Variants in LGR6 observed in about 807,000 individuals in gnomAD.
The protein encoded by LGR6 is leucine-rich repeat-containing G protein-coupled receptor 6.
In LGR6, 45 loss-of-function variants were observed where a neutral mutation model predicts 69.4. The ratio of observed to expected loss-of-function variants is 0.65; its 90% confidence interval spans 0.51 to 0.83. The LOEUF is 0.83. Ranked by LOEUF, LGR6 falls within the 40% of genes least tolerant of loss-of-function variation. The pLI is 0.00. For missense variants in LGR6, 1,108 were observed against 1,246.7 expected, an observed-to-expected ratio of 0.89 and a Z score of 1.68; for synonymous variants, 538 against 555.0, an observed-to-expected ratio of 0.97 and a Z score of 0.43.
intron 4 of LGR6, among the ~76,000 whole-genome samples, chr1:202,243,589 A>G (rs1198925415): frequency 6.6e-6 from 1 of 152,218 alleles, no homozygotes; most frequent in African/African-American, 2.4e-5. Flanking sequence ...GGGGAGGTGT[A>G]GAGCAGGAGG....
intron 4 of LGR6, among the ~76,000 whole-genome samples, chr1:202,274,164 A>T (rs1229020132): frequency 1.3e-5 from 2 of 152,214 alleles, no homozygotes; most frequent in Non-Finnish European, 2.9e-5. Flanking sequence ...GGGGCTGTCC[A>T]GGTCTCCTCT....
chr1:202,196,994 G>C (rs1403706913), intron 1 of LGR6: 1 of 529,040 alleles, frequency 1.9e-6, no homozygotes, highest in Non-Finnish European at 3.9e-6. Flanking sequence ...GAGTTAAAAT[G>C]AAAAATGTTA....
At chr1:202,289,638 G>A (rs1452888403) in intron 6 of LGR6, among the ~76,000 whole-genome samples, 1 of 152,182 alleles carries the variant, frequency 6.6e-6, no homozygotes, top group African/African-American at 2.4e-5. Context: ...GGCCTTTTAT[G>A]TAGATTGTTT....
At chr1:202,245,150 C>T (rs1443411662) in intron 4 of LGR6, among the ~76,000 whole-genome samples, 1 of 152,234 alleles carries the variant, frequency 6.6e-6, no homozygotes, top group Non-Finnish European at 1.5e-5. Flanking sequence ...TAGGGCCCAG[C>T]CGAGGGGTCC....
rs376357186 is a variant in LGR6 at position 202,276,392 on chromosome 1, A to G, written c.515A>G (p.Asn172Ser). Residue 172 changes from asparagine to serine, a missense_variant, in exon 5 of 18, where the codon AAT (asparagine) becomes AGT (serine). Coordinates refer to ENST00000367278, the MANE Select transcript of LGR6 (RefSeq NM_001017403.2). ...SSLRHLWLDD[N>S]ALTEIPVRAL... ...CTCCGCCACCTCTGGCTGGACGACA[A>G]TGCACTCACGGAGATCCCTGTCAGG... The G allele has an allele frequency of 1.4e-4, 220 of 1,613,990 alleles. No individual in the cohort carries two copies. Among genetic ancestry groups the G allele is most frequent in the Middle Eastern group, 6.6e-4 (4 of 6,084 alleles).
At chr1:202,293,834 T>C (rs1009353459) in intron 6 of LGR6, among the ~76,000 whole-genome samples, 4 of 152,228 alleles carry the variant, frequency 2.6e-5, no homozygotes, top group Admixed American at 1.3e-4. Context: ...AAAATAGACT[T>C]GTAGTTCACA....
chr1:202,318,291 C>T lies in LGR6; in HGVS notation c.1988C>T (p.Ala663Val), dbSNP rs1190092665. 2 of 1,600,430 alleles carry T rather than the reference C, an allele frequency of 1.2e-6. No individual in the cohort carries two copies. The highest frequency in any genetic ancestry group is 1.7e-6 in the Non-Finnish European group (2 of 1,172,384). The change falls in exon 18 of 18, where the codon GCC becomes GTC. Residue 663 changes from alanine to valine, a missense_variant. By Grantham distance (64) the Ala-to-Val change is moderately conservative. Transcript: ENST00000367278. ...SEASVLLLTL[A>V]AVQCSVSVSC... The stretch of plus-strand genomic sequence containing the variant: ...GCATCGGTGCTGCTGCTCACTCTGG[C>T]CGCAGTGCAGTGCAGCGTCTCCGTC...
At chr1:202,298,457 A>G (rs1667329767) in intron 7 of LGR6, among the ~76,000 whole-genome samples, 1 of 151,950 alleles carries the variant, frequency 6.6e-6, no homozygotes, top group African/African-American at 2.4e-5. Flanking sequence ...GTACAGCTAG[A>G]GTGGGACCAG....
chr1:202,207,536 T>C (rs1016168462), intron 1 of LGR6, among the ~76,000 whole-genome samples: 1 of 152,142 alleles, frequency 6.6e-6, no homozygotes, highest in Non-Finnish European at 1.5e-5. Context: ...GGGATTCTGC[T>C]TGAAAGGGAG....
In LGR6 at chr1:202,225,449, A is replaced by T; in HGVS notation, c.239A>T (p.Glu80Val). ...YLDLSMNNLT[E>V]LQPGLFHHLR... ...GACCTCAGCATGAACAACCTCACAGAGCTTCAGCCTGGCCTCTTCCACCAC... is the reference window on the plus strand; with the variant it reads ...GACCTCAGCATGAACAACCTCACAGTGCTTCAGCCTGGCCTCTTCCACCAC... The change falls in exon 2 of 18, where the codon GAG becomes GTG. Residue 80 changes from glutamate to valine, a missense_variant. Coordinates refer to ENST00000367278, the MANE Select transcript of LGR6 (RefSeq NM_001017403.2). The T allele has an allele frequency of 8.7e-6, 14 of 1,613,966 alleles. No individual in the cohort carries two copies. Among genetic ancestry groups the T allele is most frequent in the Non-Finnish European group, 1.1e-5 (13 of 1,179,894 alleles).
chr1:202,229,578 C>T (rs1246919923), intron 3 of LGR6, among the ~76,000 whole-genome samples: 1 of 152,248 alleles, frequency 6.6e-6, no homozygotes, highest in African/African-American at 2.4e-5. Context: ...GATGAGCCTC[C>T]TCTTTCTTCT....
At chr1:202,213,187 C>T (rs1205136932) in intron 1 of LGR6, among the ~76,000 whole-genome samples, 2 of 152,178 alleles carry the variant, frequency 1.3e-5, no homozygotes, top group Non-Finnish European at 2.9e-5. Flanking sequence ...GTGTCTGGTC[C>T]AGCCAGGGCA....
chr1:202,253,190 T>C (rs1663414400), intron 4 of LGR6, among the ~76,000 whole-genome samples: 1 of 152,216 alleles, frequency 6.6e-6, no homozygotes, highest in African/African-American at 2.4e-5. Context: ...AGTTTTGTGA[T>C]CTATAAACTA....
intron 1 of LGR6, among the ~76,000 whole-genome samples, chr1:202,217,325 G>A (rs755010473): frequency 2.0e-5 from 3 of 152,102 alleles, no homozygotes; most frequent in Non-Finnish European, 2.9e-5. Flanking sequence ...CCTGGGTCTC[G>A]TCCCTCCCTG....
At position 202,312,091 on chromosome 1, in the gene LGR6, T is replaced by C. The variant is rs969914393; in HGVS notation, c.1567+1734T>C. Among the ~76,000 whole-genome samples the C allele has an allele frequency of 7.0e-4, 106 of 152,186 alleles. 6 individuals are homozygous for C. The highest frequency in any genetic ancestry group is 1.5e-5 in the Non-Finnish European group (1 of 68,020). On this transcript the variant is annotated intron_variant, in intron 16 of 17. Transcript: ENST00000367278. ...GAAACTTTCCACCGAGCTTAGGTCTTGGAGAACCACAGGGCGTCAAGATCG... is the reference window on the plus strand; with the variant it reads ...GAAACTTTCCACCGAGCTTAGGTCTCGGAGAACCACAGGGCGTCAAGATCG...
At chr1:202,260,670 G>C (rs1664155883) in intron 4 of LGR6, among the ~76,000 whole-genome samples, 1 of 152,180 alleles carries the variant, frequency 6.6e-6, no homozygotes, top group African/African-American at 2.4e-5. Context: ...TTGATTGCCT[G>C]TAGTATATTT....
rs146094014 is a variant in LGR6, at chr1:202,272,536, A to G, written c.429-3770A>G. The stretch of plus-strand genomic sequence containing the variant: ...AGGATATCATGAGCCAGGACAGAAG[A>G]TAGTTTCTCTCTGACAGAGCGGAAA... On this transcript the variant is annotated intron_variant, in intron 4 of 17. Transcript: ENST00000367278. Among the ~76,000 whole-genome samples the G allele has an allele frequency of 6.7e-3, 1,025 of 152,256 alleles. 5 individuals are homozygous for G. The highest frequency in any genetic ancestry group is 0.034 in the Middle Eastern group (10 of 294).
chr1:202,228,280 T>G (rs1027088419), intron 3 of LGR6, among the ~76,000 whole-genome samples: 3 of 152,232 alleles, frequency 2.0e-5, no homozygotes, highest in Non-Finnish European at 4.4e-5. Flanking sequence ...ATAATGACCA[T>G]CGACATAGGT....
chr1:202,315,287 C>T (rs1409100327), intron 17 of LGR6, among the ~76,000 whole-genome samples: 3 of 152,178 alleles, frequency 2.0e-5, no homozygotes, highest in Non-Finnish European at 4.4e-5. Context: ...AACAGGTCAC[C>T]TTCTCCATCC....
Sources: allele counts gnomAD v4.1 joint callset (sites outside exome capture counted in the v4.1 genomes callset), GRCh38; gene constraint gnomAD v4.1.1; transcripts MANE v1.5; gene names NCBI Gene and HGNC (gene_info 2026-07-23, HGNC 2026-07-21).